The following SAMD5 variants were observed in gnomAD, a reference collection of about 807,000 sequenced individuals.
SAMD5 encodes sterile alpha motif domain containing 5.
Under a neutral mutation model 11.3 loss-of-function variants are expected in SAMD5, and 13 were observed. That is an observed-to-expected ratio of 1.15 (90% confidence interval 0.75 to 1.83). The LOEUF (loss-of-function observed/expected upper bound fraction) is 1.83. SAMD5 is among the 40% of genes most tolerant of loss of function. The pLI is 0.00. For missense variants in SAMD5, 255 were observed against 239.1 expected, an observed-to-expected ratio of 1.07 and a Z score of -0.44; for synonymous variants, 129 against 111.3, an observed-to-expected ratio of 1.16 and a Z score of -1.00.
At chr6:147,586,093 T>G (rs905878292) in intron 1 of SAMD5, among the ~76,000 whole-genome samples, 2 of 152,140 alleles carry the variant, frequency 1.3e-5, no homozygotes, top group Non-Finnish European at 2.9e-5. Flanking sequence ...CATGATTAAT[T>G]AAGGTATCTG....
chr6:147,740,510 G>A (rs1431976139), downstream of SAMD5, among the ~76,000 whole-genome samples: 3 of 152,182 alleles, frequency 2.0e-5, no homozygotes, highest in African/African-American at 7.2e-5. Context: ...AGCTAAAACA[G>A]AACTTCCTTT....
At chr6:147,589,668 C>A (rs1318319753) in intron 1 of SAMD5, among the ~76,000 whole-genome samples, 1 of 152,136 alleles carries the variant, frequency 6.6e-6, no homozygotes, top group African/African-American at 2.4e-5. Flanking sequence ...GGGTATGACT[C>A]CACCATAACT....
At chr6:147,654,870 C>T (rs962913475) in intron 1 of SAMD5, among the ~76,000 whole-genome samples, 1 of 152,106 alleles carries the variant, frequency 6.6e-6, no homozygotes, top group African/African-American at 2.4e-5. Flanking sequence ...GCCCTCCATC[C>T]TCCTAACTGA....
At chr6:147,851,328 TAAG>T in the SAMD5 span, among the ~76,000 whole-genome samples, 38 of 152,296 alleles carry the variant, frequency 2.5e-4, no homozygotes, top group Non-Finnish European at 5.3e-4. Flanking sequence ...TATGTATAGA[TAAG>T]AAGAAAACAT....
chr6:147,751,879 A>T, the SAMD5 span, among the ~76,000 whole-genome samples: 2 of 152,168 alleles, frequency 1.3e-5, no homozygotes, highest in African/African-American at 4.8e-5. Context: ...ATACAAACGT[A>T]TATAATAAAT....
Position 147,625,311 on chromosome 6 carries a change from T to C in SAMD5, c.163-112006T>C, listed in dbSNP as rs371730541. On this transcript the variant is annotated intron_variant, in intron 1 of 1. Transcript: ENST00000566741. ...GCTGCCACTTCCATTTCTGATGCTT[T>C]CGTAATGTTAGGATCACTCAGTATT... Among the ~76,000 whole-genome samples, 17 of 152,304 alleles carry C rather than the reference T, an allele frequency of 1.1e-4. No individual in the cohort carries two copies. In the East Asian group the frequency reaches 2.7e-3, roughly 24 times the overall value.
At chr6:147,923,760 A>G in the SAMD5 span, among the ~76,000 whole-genome samples, 1 of 152,170 alleles carries the variant, frequency 6.6e-6, no homozygotes. Flanking sequence ...GTAAATCTCT[A>G]GGTTTACACT....
At chr6:147,673,189 T>C (rs1380168593) in intron 1 of SAMD5, among the ~76,000 whole-genome samples, 1 of 152,032 alleles carries the variant, frequency 6.6e-6, no homozygotes, top group East Asian at 1.9e-4. Flanking sequence ...TCAGCTCAGA[T>C]AAATTTTGAT....
intron 1 of SAMD5, among the ~76,000 whole-genome samples, chr6:147,590,530 G>A (rs145444880): frequency 0.035 from 5,317 of 152,048 alleles, 129 homozygotes; most frequent in Middle Eastern, 0.075. Flanking sequence ...CTCCCACCTC[G>A]GCCTCCTGAG....
At chr6:147,634,011 A>T (rs1456094327) in intron 1 of SAMD5, among the ~76,000 whole-genome samples, 2 of 152,052 alleles carry the variant, frequency 1.3e-5, no homozygotes, top group Middle Eastern at 3.2e-3. Flanking sequence ...ACCCTCAGAA[A>T]CTACTAATCT....
chr6:147,841,599 G>C, the SAMD5 span, among the ~76,000 whole-genome samples: 13 of 152,164 alleles, frequency 8.5e-5, no homozygotes, highest in Non-Finnish European at 5.9e-5. Flanking sequence ...TTTTCCTGCC[G>C]TCTAACCTAT....
the SAMD5 span, among the ~76,000 whole-genome samples, chr6:147,898,893 T>C: frequency 6.6e-6 from 1 of 151,928 alleles, no homozygotes; most frequent in Admixed American, 6.6e-5. Flanking sequence ...TAAGATAACA[T>C]GTGTTGGCCG....
At chr6:147,753,469 G>A in the SAMD5 span, among the ~76,000 whole-genome samples, 2 of 152,156 alleles carry the variant, frequency 1.3e-5, no homozygotes, top group African/African-American at 4.8e-5. Flanking sequence ...TACATGCGAT[G>A]TTTTGATACA....
At chr6:147,725,386 GC>G (rs1562360773) in intron 1 of SAMD5, among the ~76,000 whole-genome samples, 1 of 107,740 alleles carries the variant, frequency 9.3e-6, no homozygotes, top group East Asian at 2.2e-4. Context: ...GACTGACCTG[GC>G]TTTTTTTTTT....
At chr6:147,804,111 CT>C in the SAMD5 span, among the ~76,000 whole-genome samples, 41,993 of 131,882 alleles carry the variant, frequency 0.32, 5,986 homozygotes, top group East Asian at 0.38. Context: ...TTGAAGATAT[CT>C]TTTTTTTTTT....
chr6:147,844,669 A>T, the SAMD5 span, among the ~76,000 whole-genome samples: 4 of 52,142 alleles, frequency 7.7e-5, no homozygotes, highest in African/African-American at 3.2e-4. Context: ...AAAACAATTT[A>T]AAAAAAAAAA....
chr6:147,849,457 G>A, the SAMD5 span, among the ~76,000 whole-genome samples: 1 of 151,814 alleles, frequency 6.6e-6, no homozygotes. Flanking sequence ...TTTCTCCTAA[G>A]GAGGGCTCAT....
At chr6:147,592,998 T>A (rs1214591510) in intron 1 of SAMD5, among the ~76,000 whole-genome samples, 3 of 151,656 alleles carry the variant, frequency 2.0e-5, no homozygotes, top group African/African-American at 7.3e-5. Context: ...TTAACAGCTA[T>A]GTGGTAGAGT....
At chr6:147,767,709 A>G in the SAMD5 span, among the ~76,000 whole-genome samples, 1 of 152,148 alleles carries the variant, frequency 6.6e-6, no homozygotes. Context: ...GTCTGCCATC[A>G]CCTTGATCTT....
Sources: gnomAD v4.1 joint callset for allele counts (sites outside exome capture counted in the v4.1 genomes callset) on GRCh38, gnomAD v4.1.1 for gene constraint, MANE v1.5 for transcripts, NCBI Gene and HGNC (gene_info 2026-07-23, HGNC 2026-07-21) for gene names.